The following MPPED2 variants were observed in gnomAD, a reference collection of about 807,000 sequenced individuals.
The protein encoded by MPPED2 is metallophosphoesterase MPPED2.
A neutral mutation model predicts 33.0 loss-of-function variants in MPPED2; 5 were observed. The observed-to-expected ratio is 0.15, with a 90% CI of 0.08 to 0.32. The LOEUF is 0.32. Ranked by LOEUF, MPPED2 falls within the 10% of genes least tolerant of loss-of-function variation. The pLI is 1.00. For synonymous variants in MPPED2, 136 were observed against 141.9 expected (o/e 0.96, Z 0.29); for missense variants, 275 against 372.1 (o/e 0.74, Z 2.15).
At chr11:30,527,759 A>G (rs1954279038) in intron 3 of MPPED2, among the ~76,000 whole-genome samples, 1 of 152,128 alleles carries the variant, frequency 6.6e-6, no homozygotes, top group African/African-American at 2.4e-5. Context: ...TCGCTATGAC[A>G]CAAGAGACTT....
chr11:30,431,194 G>C (rs946506715), intron 4 of MPPED2, among the ~76,000 whole-genome samples: 5 of 152,126 alleles, frequency 3.3e-5, no homozygotes, highest in African/African-American at 1.2e-4. Flanking sequence ...GGATTATTAC[G>C]ATAAAAAGGC....
intron 6 of MPPED2, among the ~76,000 whole-genome samples, chr11:30,413,100 C>G (rs1948184362): frequency 6.6e-6 from 1 of 152,198 alleles, no homozygotes; most frequent in South Asian, 2.1e-4. Flanking sequence ...TGCTTTCCAC[C>G]CACTCAGCTG....
chr11:30,437,637 G>A (rs1019843987), intron 4 of MPPED2, among the ~76,000 whole-genome samples: 5 of 152,072 alleles, frequency 3.3e-5, no homozygotes, highest in African/African-American at 1.2e-4. Context: ...GTTGACTTTT[G>A]CACAACCTTC....
intron 4 of MPPED2, among the ~76,000 whole-genome samples, chr11:30,470,369 A>G (rs1213101629): frequency 6.6e-6 from 1 of 152,210 alleles, no homozygotes; most frequent in Non-Finnish European, 1.5e-5. Flanking sequence ...ATGTGTCCAG[A>G]ATACTCAAAC....
intron 3 of MPPED2, among the ~76,000 whole-genome samples, chr11:30,499,603 C>T (rs560712888): frequency 1.4e-4 from 21 of 152,244 alleles, no homozygotes; most frequent in South Asian, 6.2e-4. Flanking sequence ...TTGAATCCTC[C>T]TCCTTGGTGA....
intron 4 of MPPED2, among the ~76,000 whole-genome samples, chr11:30,428,608 A>G (rs1239624730): frequency 6.6e-6 from 1 of 152,196 alleles, no homozygotes; most frequent in Admixed American, 6.5e-5. Flanking sequence ...TTGTAGTGCA[A>G]TGATTAAGTT....
chr11:30,448,303 C>A (rs935622544), intron 4 of MPPED2, among the ~76,000 whole-genome samples: 2 of 152,208 alleles, frequency 1.3e-5, no homozygotes, highest in African/African-American at 2.4e-5. Flanking sequence ...CAAAGTCAAC[C>A]AGCCAAGAAA....
At chr11:30,389,106 G>A in intron 6 of MPPED2, 1 of 1,218,816 alleles carries the variant, frequency 8.2e-7, no homozygotes, top group Non-Finnish European at 1.1e-6. Flanking sequence ...AACTGTGTTA[G>A]ATTAAGTTCA....
chr11:30,394,595 T>G (rs1221510292), intron 6 of MPPED2, among the ~76,000 whole-genome samples: 3 of 152,204 alleles, frequency 2.0e-5, no homozygotes. Context: ...TTATTCAACT[T>G]TTTACCCATT....
chr11:30,483,557 T>C (rs911566100), intron 4 of MPPED2, among the ~76,000 whole-genome samples: 4 of 152,198 alleles, frequency 2.6e-5, no homozygotes. Context: ...TTGCCATCAA[T>C]AATTTCTGAT....
At chr11:30,464,926 T>C (rs897470635) in intron 4 of MPPED2, among the ~76,000 whole-genome samples, 2 of 152,156 alleles carry the variant, frequency 1.3e-5, no homozygotes, top group African/African-American at 4.8e-5. Context: ...AGTTAAGAGA[T>C]AGGCTTTAGT....
intron 2 of MPPED2, among the ~76,000 whole-genome samples, chr11:30,576,598 T>C (rs1225488216): frequency 1.3e-5 from 2 of 152,104 alleles, no homozygotes; most frequent in African/African-American, 4.8e-5. Context: ...ATGAAACACA[T>C]ACAAAATCTT....
chr11:30,417,567 G>C lies in MPPED2; in HGVS notation c.603C>G (p.Asn201Lys). The change falls in exon 5 of 7, where the codon AAC (asparagine) becomes AAG (lysine). Residue 201 changes from asparagine to lysine, a missense_variant. By Grantham distance (94) the Asn-to-Lys change is moderately conservative. Transcript: ENST00000358117. ...PRGQSLLDKW[N>K]LIPEGIDILM... ...GTATGTCAATGCCCTCAGGGATGAG[G>C]TTCCACTTGTCCAGCAGAGACTGAC... 1 of 1,613,356 alleles carries C rather than the reference G, an allele frequency of 6.2e-7. No homozygotes were observed. Among genetic ancestry groups the C allele is most frequent in the Non-Finnish European group, 8.5e-7 (1 of 1,179,534 alleles).
intron 2 of MPPED2, among the ~76,000 whole-genome samples, chr11:30,541,491 G>A (rs12361781): frequency 0.18 from 26,974 of 152,150 alleles, 3,011 homozygotes; most frequent in Non-Finnish European, 0.25. Flanking sequence ...TTCAGTGAGA[G>A]AATAGAACTG....
At position 30,586,211 on chromosome 11, in the gene MPPED2, G is replaced by C. The variant is rs1170092332; in HGVS notation, c.-291C>G. On this transcript the variant is annotated 5_prime_UTR_variant, in exon 1 of 7. Coordinates refer to ENST00000358117, the MANE Select transcript of MPPED2 (RefSeq NM_001584.3). The surrounding 1 kb of genome is among the most constrained non-coding windows in gnomAD (Gnocchi z 4.8). ...CCCCGGAGGTCCCGCCGCAGGCTGG[G>C]GCTGGGGGCCAGGGGGCGCGGCGCT... 6.5e-6 allele frequency: 1 copy of C among 153,252 alleles called. No homozygotes were observed. The allele number at this position is 153,252 out of a possible 1,614,324, so 9.5% of individuals were successfully genotyped here.
rs1352845136 is a variant in MPPED2, at chr11:30,580,449, C to T, written c.-76G>A. On this transcript the variant is annotated 5_prime_UTR_variant, in exon 2 of 7. Coordinates refer to ENST00000358117, the MANE Select transcript of MPPED2 (RefSeq NM_001584.3). ...GGAAGCAGGCATGGTGCGTTTCAGC[C>T]AACCTCTGAATCCAAGGATCTACTC... is the stretch of plus-strand genomic sequence containing the variant. 4 of 1,575,068 alleles carry T rather than the reference C, an allele frequency of 2.5e-6. No individual in the cohort carries two copies. The African/African-American group carries it at 4.1e-5, about 16-fold the overall frequency.
intron 4 of MPPED2, among the ~76,000 whole-genome samples, chr11:30,420,242 C>G (rs987486270): frequency 3.9e-5 from 6 of 152,106 alleles, no homozygotes; most frequent in African/African-American, 1.4e-4. Flanking sequence ...CAGAGTGATG[C>G]AATGTGAGAA....
At chr11:30,533,006 C>A (rs1436549567) in intron 3 of MPPED2, among the ~76,000 whole-genome samples, 1 of 152,144 alleles carries the variant, frequency 6.6e-6, no homozygotes, top group African/African-American at 2.4e-5. Flanking sequence ...TAGCACATAG[C>A]CAAACAGCTA....
intron 4 of MPPED2, among the ~76,000 whole-genome samples, chr11:30,443,002 A>C (rs1244998358): frequency 6.6e-6 from 1 of 152,066 alleles, no homozygotes; most frequent in Non-Finnish European, 1.5e-5. Context: ...AGGAAAAAAA[A>C]ATATTGTCAT....
Sources: gnomAD v4.1 joint callset for allele counts (sites outside exome capture counted in the v4.1 genomes callset) on GRCh38, gnomAD v4.1.1 for gene constraint, Gnocchi (gnomAD v3.1) non-coding constraint, MANE v1.5 for transcripts, NCBI Gene and HGNC (gene_info 2026-07-23, HGNC 2026-07-21) for gene names.